The following FNDC1 variants were observed in gnomAD, a reference collection of about 807,000 sequenced individuals.
FNDC1 encodes the protein fibronectin type III domain containing 1, also known as fibronectin type III domain-containing protein 1.
In FNDC1, 96 loss-of-function variants were observed where a neutral mutation model predicts 168.0. That is an observed-to-expected ratio of 0.57 (90% CI 0.48 to 0.68). FNDC1 has a LOEUF of 0.68. Ranked by LOEUF, FNDC1 falls within the 30% of genes least tolerant of loss-of-function variation. The probability of loss-of-function intolerance (pLI) is 0.00; values close to 1 mark genes in which losing one functional copy is unlikely to be tolerated. For synonymous variants in FNDC1, 1,099 were observed against 1,025.9 expected (o/e 1.07, Z -1.36); for missense variants, 2,587 against 2,482.1 (o/e 1.04, Z -0.90).
intron 21 of FNDC1, among the ~76,000 whole-genome samples, chr6:159,267,569 A>C (rs1453054090): frequency 6.6e-6 from 1 of 152,208 alleles, no homozygotes; most frequent in Non-Finnish European, 1.5e-5. Flanking sequence ...TTAATGCTGT[A>C]ATTCCAACTT....
At chr6:159,224,317 G>A (rs2114979473) in intron 7 of FNDC1, among the ~76,000 whole-genome samples, 1 of 152,284 alleles carries the variant, frequency 6.6e-6, no homozygotes, top group Non-Finnish European at 1.5e-5. Context: ...GTTAGTGGTA[G>A]ATTAGTATAG....
In FNDC1 at chr6:159,236,326, C is replaced by G; in HGVS notation, c.4068+11C>G. 1 of 1,563,134 alleles carries G rather than the reference C, an allele frequency of 6.4e-7. No homozygotes were observed. Among genetic ancestry groups the G allele is most frequent in the Non-Finnish European group, 8.8e-7 (1 of 1,134,476 alleles). ...CAAGGAACAAAGTGGGTAGGGTAAA[C>G]TTCTTTACACATCCCCGTTGTTTTC... On this transcript the variant is annotated intron_variant, in intron 12 of 22. Transcript: ENST00000297267.
In FNDC1 at chr6:159,226,496, T is replaced by C; in HGVS notation, c.1096T>C (p.Leu366=). Residue 366 remains leucine, a synonymous_variant, in exon 9 of 23, where the codon TTG becomes CTG. Coordinates refer to ENST00000297267, the MANE Select transcript of FNDC1 (RefSeq NM_032532.3). Reference sequence around the variant, plus strand: ...AGCCCCTACCACAGCTCCTGAAAACTTGAACGTCTGGCCAGTCAATGGCAA... The same window carrying C: ...AGCCCCTACCACAGCTCCTGAAAACCTGAACGTCTGGCCAGTCAATGGCAA... ...ESAPTTAPEN[L]NVWPVNGKPT... is the part of the protein sequence containing the mutation. 1 of 1,612,512 alleles carries C rather than the reference T, an allele frequency of 6.2e-7. No individual in the cohort carries two copies. Among genetic ancestry groups the C allele is most frequent in the Non-Finnish European group, 8.5e-7 (1 of 1,179,316 alleles).
chr6:159,195,702 A>G (rs1782229290), intron 1 of FNDC1, among the ~76,000 whole-genome samples: 1 of 152,220 alleles, frequency 6.6e-6, no homozygotes, highest in African/African-American at 2.4e-5. Context: ...TGCTCTTTTC[A>G]TGTGTCAGTA....
chr6:159,252,506 G>A (rs1250110299), intron 17 of FNDC1, among the ~76,000 whole-genome samples: 2 of 152,222 alleles, frequency 1.3e-5, no homozygotes, highest in African/African-American at 4.8e-5. Flanking sequence ...CAGAAAAGAA[G>A]GCTTCTGGGT....
At chr6:159,212,313 A>T (rs1426953648) in intron 4 of FNDC1, among the ~76,000 whole-genome samples, 4 of 152,260 alleles carry the variant, frequency 2.6e-5, no homozygotes, top group Admixed American at 2.6e-4. Context: ...TAAAAGACTT[A>T]CACAGATTTA....
intron 14 of FNDC1, 68 bp from the exon 15 acceptor site, chr6:159,246,833 G>A: frequency 3.7e-6 from 4 of 1,095,244 alleles, no homozygotes; most frequent in Admixed American, 3.4e-5. Flanking sequence ...CACGCTCTGG[G>A]GCCTGCTTCT....
At chr6:159,195,151 GA>G (rs1391548013) in intron 1 of FNDC1, among the ~76,000 whole-genome samples, 1 of 152,040 alleles carries the variant, frequency 6.6e-6, no homozygotes, top group Non-Finnish European at 1.5e-5. Context: ...TTTTGTTTCA[GA>G]GTCCCCAAAA....
chr6:159,230,859 G>C (rs781740096), intron 10 of FNDC1, among the ~76,000 whole-genome samples: 1 of 152,090 alleles, frequency 6.6e-6, no homozygotes, highest in African/African-American at 2.4e-5. Context: ...TGCAATATAG[G>C]TTCCTCTCCC....
At chr6:159,259,159 G>A (rs1777430192) in intron 18 of FNDC1, among the ~76,000 whole-genome samples, 2 of 152,308 alleles carry the variant, frequency 1.3e-5, no homozygotes, top group South Asian at 4.1e-4. Context: ...TTGTTACTTG[G>A]CTGAGGCAGA....
At chr6:159,264,755 C>A (rs1777555776) in intron 19 of FNDC1, among the ~76,000 whole-genome samples, 1 of 152,082 alleles carries the variant, frequency 6.6e-6, no homozygotes, top group South Asian at 2.1e-4. Context: ...TTCAGGGATC[C>A]ACAGCTTCTA....
intron 3 of FNDC1, 58 bp from the exon 4 acceptor site, chr6:159,200,455 A>G: frequency 7.7e-7 from 1 of 1,292,142 alleles, no homozygotes; most frequent in Non-Finnish European, 1.1e-6. Flanking sequence ...ATGCACTGTA[A>G]TGTGGAAAAC....
At chr6:159,249,471 G>A (rs546987195) in intron 16 of FNDC1, among the ~76,000 whole-genome samples, 15 of 152,268 alleles carry the variant, frequency 9.9e-5, no homozygotes, top group Admixed American at 9.2e-4. Context: ...TCTGGACCAG[G>A]GAACATGAGT....
intron 13 of FNDC1, among the ~76,000 whole-genome samples, chr6:159,239,149 A>G (rs1032697347): frequency 3.3e-5 from 5 of 152,194 alleles, no homozygotes; most frequent in Admixed American, 2.6e-4. Context: ...TTGTTTATGT[A>G]TTGTCTATCT....
At chr6:159,252,842 A>T (rs1777297187) in intron 17 of FNDC1, among the ~76,000 whole-genome samples, 1 of 152,262 alleles carries the variant, frequency 6.6e-6, no homozygotes, top group African/African-American at 2.4e-5. Context: ...ATATTACTTA[A>T]CATAAATATA....
At chr6:159,222,853 T>A (rs1489638671) in intron 6 of FNDC1, among the ~76,000 whole-genome samples, 1 of 152,212 alleles carries the variant, frequency 6.6e-6, no homozygotes, top group Non-Finnish European at 1.5e-5. Flanking sequence ...AATGTTATTA[T>A]TTTCCAGAAG....
At chr6:159,188,524 G>GC (rs1782053228) in intron 1 of FNDC1, among the ~76,000 whole-genome samples, 1 of 149,738 alleles carries the variant, frequency 6.7e-6, no homozygotes, top group Non-Finnish European at 1.5e-5. Context: ...ACAGGTGCCC[G>GC]CCACCAGGCC....
intron 18 of FNDC1, among the ~76,000 whole-genome samples, chr6:159,259,739 G>A (rs1051348833): frequency 9.2e-5 from 14 of 152,208 alleles, no homozygotes; most frequent in Non-Finnish European, 1.6e-4. Context: ...GAGCTGCTGA[G>A]TGAATTGAGA....
chr6:159,268,253 AAT>A (rs1190607766), intron 22 of FNDC1, among the ~76,000 whole-genome samples: 5 of 152,110 alleles, frequency 3.3e-5, no homozygotes, highest in Non-Finnish European at 7.4e-5. Flanking sequence ...GTGAAGACAA[AAT>A]ACACTAATCT....
Sources: allele counts gnomAD v4.1 joint callset (sites outside exome capture counted in the v4.1 genomes callset), GRCh38; gene constraint gnomAD v4.1.1; transcripts MANE v1.5; gene names NCBI Gene and HGNC (gene_info 2026-07-23, HGNC 2026-07-21).